Variants in MEGF11 observed in about 807,000 individuals in gnomAD.
The protein encoded by MEGF11 is multiple epidermal growth factor-like domains protein 11.
Under a neutral mutation model 146.6 loss-of-function variants are expected in MEGF11, and 126 were observed. That is an observed-to-expected ratio of 0.86 (90% CI 0.74 to 1.00). MEGF11 has a LOEUF of 1.00. Ranked by LOEUF, MEGF11 falls within the 50% of genes least tolerant of loss-of-function variation. The probability of loss-of-function intolerance (pLI) is 0.00; values close to 1 mark genes in which losing one functional copy is unlikely to be tolerated. For synonymous variants in MEGF11, 532 were observed against 583.4 expected (o/e 0.91, Z 1.27); for missense variants, 1,509 against 1,521.2 (o/e 0.99, Z 0.13).
At chr15:66,147,021 C>T (rs1195456093) in intron 1 of MEGF11, among the ~76,000 whole-genome samples, 1 of 152,200 alleles carries the variant, frequency 6.6e-6, no homozygotes, top group Non-Finnish European at 1.5e-5. Flanking sequence ...CACCATTCCT[C>T]ACTGGGAATT....
At chr15:66,105,532 C>T (rs2087025749) in intron 4 of MEGF11, among the ~76,000 whole-genome samples, 1 of 152,210 alleles carries the variant, frequency 6.6e-6, no homozygotes, top group Admixed American at 6.5e-5. Flanking sequence ...GGGAAATCTT[C>T]AATTACTATG....
At chr15:65,898,495 ATTTG>A (rs1240913313) in intron 25 of MEGF11, 1 of 985,172 alleles carries the variant, frequency 1.0e-6, no homozygotes, top group Non-Finnish European at 1.2e-6. Flanking sequence ...CACCCCCAGT[ATTTG>A]TTTCATATTA....
At position 65,957,548 on chromosome 15, in the gene MEGF11, A is replaced by T; in HGVS notation, c.1286T>A (p.Met429Lys). ...TGGCTCAPGF[M>K]GEVCAVSCAA... ...CACGGGAGGCCCCTCCCATCTTACC[A>T]TGAAGCCCGGAGCACAAGTGCAGCC... Residue 429 changes from methionine (M) to lysine (K), a missense_variant and splice_region_variant, in exon 10 of 26, where the codon ATG (methionine) becomes AAG (lysine). Coordinates refer to ENST00000395614, the MANE Select transcript of MEGF11 (RefSeq NM_001385028.1). The T allele has an allele frequency of 6.2e-7, 1 of 1,612,798 alleles. No homozygotes were observed.
Position 65,964,991 on chromosome 15 carries a change from G to GC in MEGF11, c.1028dup (p.Cys344LeufsTer22), listed in dbSNP as rs1489644481. 2 of 1,568,582 alleles carry GC rather than the reference G, an allele frequency of 1.3e-6. No individual in the cohort carries two copies. The highest frequency in any genetic ancestry group is 2.3e-5 in the South Asian group (2 of 85,172). ...CCTCCGGGCACAGTCGCTCCTGGCA[G>GC]CGTGGGCCCTTGTAGCCAGGCTCAC... On this transcript the variant is annotated frameshift_variant, in exon 9 of 26. Coordinates refer to ENST00000395614, the MANE Select transcript of MEGF11 (RefSeq NM_001385028.1). LOFTEE classifies it high-confidence loss of function.
chr15:66,034,891 G>A (rs564150783), intron 5 of MEGF11, among the ~76,000 whole-genome samples: 13 of 152,218 alleles, frequency 8.5e-5, no homozygotes, highest in African/African-American at 2.6e-4. Context: ...GTTCATTATC[G>A]CAGGAGTGGC....
At chr15:66,091,249 C>T (rs966790205) in intron 5 of MEGF11, among the ~76,000 whole-genome samples, 1 of 152,162 alleles carries the variant, frequency 6.6e-6, no homozygotes, top group Non-Finnish European at 1.5e-5. Flanking sequence ...CAGATAGACC[C>T]CCAAATAGCA....
In MEGF11 at chr15:66,150,469, C is replaced by T. The variant is rs114911047; in HGVS notation, c.-8-22058G>A. 3.7e-3 allele frequency among the ~76,000 whole-genome samples: 561 copies of T among 152,146 alleles called. 1 individual carries two copies. The highest frequency in any genetic ancestry group is 0.017 in the Middle Eastern group (5 of 294). ...GAGTAATTAATATTCTTTGAGGAGT[C>T]GCAGAGCCTGGGAGTGGGGCTTTTT... On this transcript the variant is annotated intron_variant, in intron 1 of 25. Transcript: ENST00000395614.
chr15:66,124,480 C>A (rs1320673668), intron 2 of MEGF11, among the ~76,000 whole-genome samples: 1 of 152,234 alleles, frequency 6.6e-6, no homozygotes, highest in Non-Finnish European at 1.5e-5. Flanking sequence ...CCAGCTCACA[C>A]TGCAGTATCA....
At chr15:66,173,239 T>C (rs1268951798) in intron 1 of MEGF11, among the ~76,000 whole-genome samples, 2 of 152,134 alleles carry the variant, frequency 1.3e-5, no homozygotes, top group African/African-American at 2.4e-5. Context: ...ACCAAACCAA[T>C]AGATCTGGGG....
intron 5 of MEGF11, among the ~76,000 whole-genome samples, chr15:66,076,667 T>C (rs768007758): frequency 3.9e-5 from 6 of 152,092 alleles, no homozygotes; most frequent in Non-Finnish European, 7.4e-5. Context: ...CAGGAGACAG[T>C]AAGGCTGTAC....
intron 1 of MEGF11, among the ~76,000 whole-genome samples, chr15:66,212,766 C>G (rs1293258385): frequency 1.4e-5 from 2 of 138,320 alleles, no homozygotes; most frequent in Non-Finnish European, 3.1e-5. Flanking sequence ...CACAGAGTCC[C>G]CACTGCCAGG....
intron 5 of MEGF11, among the ~76,000 whole-genome samples, chr15:66,027,347 T>C (rs182799242): frequency 6.6e-6 from 1 of 152,360 alleles, no homozygotes; most frequent in Admixed American, 6.5e-5. Flanking sequence ...ACTGGGCTGT[T>C]ATGCCTGAGT....
At chr15:66,120,493 C>G (rs186901609) in intron 3 of MEGF11, among the ~76,000 whole-genome samples, 1 of 152,290 alleles carries the variant, frequency 6.6e-6, no homozygotes, top group East Asian at 1.9e-4. Flanking sequence ...ATCAGAGACG[C>G]CTATAGGCTG....
intron 5 of MEGF11, among the ~76,000 whole-genome samples, chr15:66,037,998 C>A (rs140916547): frequency 3.3e-5 from 5 of 152,318 alleles, no homozygotes; most frequent in East Asian, 3.8e-4. Context: ...TCAAAAAATT[C>A]TTTTTATTAT....
intron 17 of MEGF11, chr15:65,916,518 C>T (rs1207249035): frequency 1.5e-6 from 1 of 658,434 alleles, no homozygotes; most frequent in Admixed American, 2.9e-5. Context: ...GGTCTACTTC[C>T]TGTGTGGACA....
At chr15:66,062,647 C>G (rs1321963817) in intron 5 of MEGF11, among the ~76,000 whole-genome samples, 2 of 152,296 alleles carry the variant, frequency 1.3e-5, no homozygotes, top group Non-Finnish European at 2.9e-5. Flanking sequence ...TGTGCCCAAA[C>G]TCCTGACCCA....
intron 1 of MEGF11, among the ~76,000 whole-genome samples, chr15:66,136,376 T>A (rs1002473040): frequency 5.9e-5 from 9 of 151,904 alleles, no homozygotes; most frequent in Admixed American, 1.3e-4. Context: ...TAGGACAGGG[T>A]CTCTCCCGCC....
chr15:65,976,786 G>A (rs1002307244), intron 7 of MEGF11, among the ~76,000 whole-genome samples: 4 of 152,164 alleles, frequency 2.6e-5, no homozygotes, highest in African/African-American at 4.8e-5. Context: ...GGGGTAAGGT[G>A]ATATTTTCTG....
chr15:65,989,443 A>G (rs937063598), intron 5 of MEGF11, among the ~76,000 whole-genome samples: 4 of 152,192 alleles, frequency 2.6e-5, no homozygotes, highest in Non-Finnish European at 4.4e-5. Context: ...GTGGCCCCCA[A>G]TCTTCCACCC....
Sources: gnomAD v4.1 joint callset for allele counts (sites outside exome capture counted in the v4.1 genomes callset) on GRCh38, gnomAD v4.1.1 for gene constraint, MANE v1.5 for transcripts, NCBI Gene and HGNC (gene_info 2026-07-23, HGNC 2026-07-21) for gene names.